CDH18: variants seen among roughly 807,000 people sequenced by gnomAD.
CDH18 encodes cadherin-18.
A neutral mutation model predicts 67.9 loss-of-function variants in CDH18; 31 were observed. The observed-to-expected ratio is 0.46, with a 90% confidence interval of 0.34 to 0.62. The LOEUF (loss-of-function observed/expected upper bound fraction) is 0.62, where lower values mean the gene tolerates loss of function less well. CDH18 is among the 20% of genes least tolerant of loss of function. CDH18 has a pLI of 0.01. For missense variants in CDH18, 890 were observed against 975.5 expected (o/e 0.91, Z 1.17); for synonymous variants, 362 against 347.2 (o/e 1.04, Z -0.48).
At chr5:19,838,229 T>G (rs1010150980) in intron 3 of CDH18, among the ~76,000 whole-genome samples, 1 of 152,160 alleles carries the variant, frequency 6.6e-6, no homozygotes, top group African/African-American at 2.4e-5. Context: ...CATATGATTT[T>G]AAAGGCTAAA....
rs139460038 is a variant in CDH18, at chr5:20,511,428, G to A, written c.-580+64034C>T. Among the ~76,000 whole-genome samples the A allele has an allele frequency of 4.5e-3, 682 of 152,124 alleles. 3 individuals are homozygous for A. Among genetic ancestry groups the A allele is most frequent in the African/African-American group, 0.016 (649 of 41,524 alleles). On this transcript the variant is annotated intron_variant, in intron 1 of 14. Coordinates refer to the CDH18 transcript ENST00000507958. ...AACATGGATAAACTGTCCCAGAGAA[G>A]CCATTTTTTTGCCAGCCATTTTTTA...
intron 2 of CDH18, among the ~76,000 whole-genome samples, chr5:19,892,820 A>G (rs1203108510): frequency 1.3e-5 from 2 of 152,150 alleles, no homozygotes; most frequent in African/African-American, 4.8e-5. Context: ...ACTTCTTGAA[A>G]GTGATCTCAT....
intron 6 of CDH18, among the ~76,000 whole-genome samples, chr5:19,603,888 C>G (rs912254073): frequency 2.7e-5 from 4 of 150,536 alleles, no homozygotes; most frequent in Non-Finnish European, 5.9e-5. Context: ...ATTTTTTTTA[C>G]TTTTTAATTT....
intron 1 of CDH18, among the ~76,000 whole-genome samples, chr5:20,391,392 T>C (rs1009644027): frequency 6.6e-6 from 1 of 151,974 alleles, no homozygotes; most frequent in African/African-American, 2.4e-5. Context: ...TGCTATATGA[T>C]AGAATTTTTG....
intron 1 of CDH18, among the ~76,000 whole-genome samples, chr5:20,306,427 C>T (rs191112469): frequency 0.099 from 15,036 of 151,982 alleles, 1,113 homozygotes; most frequent in East Asian, 0.22. Context: ...GTAGCCTTTT[C>T]CATAGAGTCA....
intron 1 of CDH18, among the ~76,000 whole-genome samples, chr5:20,485,406 C>A (rs1367831155): frequency 1.3e-5 from 2 of 152,110 alleles, no homozygotes; most frequent in African/African-American, 4.8e-5. Flanking sequence ...CTGAATATGA[C>A]AATGGGCATG....
chr5:19,785,680 ATATATATATATATATATATATATATAT>A lies in CDH18; in HGVS notation c.229-38471_229-38445del, dbSNP rs1775691840. Reference sequence around the variant, plus strand: ...AAAAAAAAAAAAAAAAAAAAAAAAAATATATATATATATATATATATATATATATATATATATATATATATGCATGCA... The same window carrying A: ...AAAAAAAAAAAAAAAAAAAAAAAAAAATATATATATATATATATGCATGCA... On this transcript the variant is annotated intron_variant, in intron 3 of 12. Transcript: ENST00000382275. Among the ~76,000 whole-genome samples the A allele has an allele frequency of 3.1e-3, 41 of 13,162 alleles. 2 individuals are homozygous for A. The highest frequency in any genetic ancestry group is 0.011 in the African/African-American group (32 of 3,044). 8.6% of individuals were successfully genotyped at this position (13,162 alleles called of 152,430 possible). A position where few individuals can be genotyped will look rare whatever the true frequency, so the allele number is the denominator to read the frequency against.
chr5:19,847,840 C>T (rs926524687), intron 2 of CDH18, among the ~76,000 whole-genome samples: 1 of 151,986 alleles, frequency 6.6e-6, no homozygotes, highest in African/African-American at 2.4e-5. Flanking sequence ...TCTGATTTCC[C>T]TTTTTTGAGA....
At chr5:20,299,419 C>T (rs919175080) in intron 1 of CDH18, among the ~76,000 whole-genome samples, 1 of 142,320 alleles carries the variant, frequency 7.0e-6, no homozygotes, top group African/African-American at 2.8e-5. Context: ...CACACACACA[C>T]ACACACACAC....
At chr5:19,726,979 AG>A (rs911748860) in intron 4 of CDH18, among the ~76,000 whole-genome samples, 5 of 152,204 alleles carry the variant, frequency 3.3e-5, no homozygotes, top group Non-Finnish European at 7.3e-5. Context: ...TCTGTGAACC[AG>A]GAAGTGTGCC....
At chr5:20,417,798 C>T (rs1197466286) in intron 1 of CDH18, among the ~76,000 whole-genome samples, 1 of 152,134 alleles carries the variant, frequency 6.6e-6, no homozygotes, top group Non-Finnish European at 1.5e-5. Context: ...ATACCCTTAT[C>T]AAAGGATACA....
chr5:20,191,736 A>C (rs1021621374), intron 2 of CDH18, among the ~76,000 whole-genome samples: 8 of 151,652 alleles, frequency 5.3e-5, no homozygotes, highest in Non-Finnish European at 1.2e-4. Context: ...TATGTACCTC[A>C]TTTTCTTTTT....
At position 19,882,372 on chromosome 5, in the gene CDH18, C is replaced by G. The variant is rs1014126385; in HGVS notation, c.-256-43130G>C. ...ATTCATTTTTATTATAAAATGCAAGCATAACATATAAGCCACATTACCTTG... is the reference window on the plus strand; with the variant it reads ...ATTCATTTTTATTATAAAATGCAAGGATAACATATAAGCCACATTACCTTG... On this transcript the variant is annotated intron_variant, in intron 2 of 12. Transcript: ENST00000382275. Among the ~76,000 whole-genome samples the G allele has an allele frequency of 3.3e-5, 5 of 151,970 alleles. No individual in the cohort carries two copies. In the East Asian group the frequency reaches 7.7e-4, roughly 23 times the overall value.
At chr5:20,236,483 C>T (rs921090708) in intron 2 of CDH18, among the ~76,000 whole-genome samples, 3 of 151,678 alleles carry the variant, frequency 2.0e-5, no homozygotes, top group Admixed American at 6.6e-5. Context: ...AGACAAGTTG[C>T]AAATTGCCAA....
intron 2 of CDH18, among the ~76,000 whole-genome samples, chr5:19,862,436 G>A (rs77649666): frequency 9.7e-4 from 147 of 152,154 alleles, no homozygotes; most frequent in East Asian, 4.5e-3. Context: ...GTTGAGCAGC[G>A]GTCTTCTGTT....
At chr5:20,349,767 C>A (rs1249618919) in intron 1 of CDH18, among the ~76,000 whole-genome samples, 2 of 151,994 alleles carry the variant, frequency 1.3e-5, no homozygotes, top group African/African-American at 4.8e-5. Context: ...TTTTGTCAGA[C>A]CTAAGAAGAA....
chr5:19,808,734 G>A (rs1255563410), intron 3 of CDH18, among the ~76,000 whole-genome samples: 3 of 150,820 alleles, frequency 2.0e-5, no homozygotes, highest in Non-Finnish European at 2.9e-5. Context: ...GGGAGTCTGA[G>A]GCAGAAGAAT....
chr5:20,546,612 C>A (rs1393608275), intron 1 of CDH18, among the ~76,000 whole-genome samples: 1 of 152,046 alleles, frequency 6.6e-6, no homozygotes, highest in East Asian at 1.9e-4. Flanking sequence ...CACTCACTAT[C>A]ACAATAATAA....
At chr5:19,516,566 G>C (rs553663389) in intron 10 of CDH18, among the ~76,000 whole-genome samples, 2 of 152,118 alleles carry the variant, frequency 1.3e-5, no homozygotes, top group Admixed American at 1.3e-4. Flanking sequence ...CATCTTCCTG[G>C]TTTAGTCTTG....
Sources: gnomAD v4.1 joint callset for allele counts (sites outside exome capture counted in the v4.1 genomes callset) on GRCh38, gnomAD v4.1.1 for gene constraint, MANE v1.5 for transcripts, NCBI Gene and HGNC (gene_info 2026-07-23, HGNC 2026-07-21) for gene names.